WARS2: variants seen among roughly 807,000 people sequenced by gnomAD.
WARS2 encodes the protein tryptophanyl tRNA synthetase 2, mitochondrial, also known as tryptophan--tRNA ligase, mitochondrial.
Under a neutral mutation model 36.5 loss-of-function variants are expected in WARS2, and 28 were observed. The ratio of observed to expected loss-of-function variants is 0.77; its 90% confidence interval spans 0.57 to 1.05. WARS2 has a LOEUF of 1.05. Ranked by LOEUF, WARS2 falls within the 50% of genes least tolerant of loss-of-function variation. WARS2 has a pLI of 0.00. For missense variants in WARS2, 435 were observed against 456.8 expected, an observed-to-expected ratio of 0.95 and a Z score of 0.44; for synonymous variants, 174 against 178.4, an observed-to-expected ratio of 0.98 and a Z score of 0.20.
intron 3 of WARS2, among the ~76,000 whole-genome samples, chr1:119,044,980 G>A (rs552383958): frequency 6.6e-6 from 1 of 152,310 alleles, no homozygotes; most frequent in South Asian, 2.1e-4. Context: ...TACCTCAAAA[G>A]AAGCTTGAAA....
rs1468506930 is a variant in WARS2 at position 119,140,543 on chromosome 1, G to C, written c.90+12C>G. The C allele has an allele frequency of 1.2e-6, 2 of 1,612,156 alleles. No individual in the cohort carries two copies. The highest frequency in any genetic ancestry group is 1.1e-5 in the South Asian group (1 of 90,962). ...ATGGGAAGCCGCGGAGGGAAGGGCCGTCTTTGGTTACCTGGAGAGCGGGAG... is the reference window on the plus strand; with the variant it reads ...ATGGGAAGCCGCGGAGGGAAGGGCCCTCTTTGGTTACCTGGAGAGCGGGAG... On this transcript the variant is annotated intron_variant, in intron 1 of 5. Transcript: ENST00000235521.
intron 1 of WARS2, among the ~76,000 whole-genome samples, chr1:119,104,130 T>C (rs1294237039): frequency 6.6e-6 from 1 of 151,288 alleles, no homozygotes; most frequent in Non-Finnish European, 1.5e-5. Context: ...TTATTTCCAC[T>C]TTCCATATTT....
At chr1:119,104,617 C>A (rs1247209419) in intron 1 of WARS2, among the ~76,000 whole-genome samples, 5 of 131,886 alleles carry the variant, frequency 3.8e-5, no homozygotes, top group African/African-American at 9.5e-5. Flanking sequence ...GTGATTAGTG[C>A]CATGAAAAAA....
chr1:119,081,100 T>C (rs1006932980), intron 1 of WARS2, among the ~76,000 whole-genome samples: 1 of 152,224 alleles, frequency 6.6e-6, no homozygotes, highest in Non-Finnish European at 1.5e-5. Flanking sequence ...GGATTTGACA[T>C]ATACTAGAAG....
chr1:119,075,811 C>G (rs1416305627), intron 2 of WARS2, among the ~76,000 whole-genome samples: 3 of 152,138 alleles, frequency 2.0e-5, no homozygotes, highest in Admixed American at 6.6e-5. Context: ...TACTATGAAG[C>G]CTTTCTTGGC....
At chr1:119,080,954 A>C (rs1012063210) in intron 1 of WARS2, among the ~76,000 whole-genome samples, 3 of 152,242 alleles carry the variant, frequency 2.0e-5, no homozygotes, top group Admixed American at 2.0e-4. Flanking sequence ...ATTAAAAAAG[A>C]AGCATGTTAG....
intron 1 of WARS2, among the ~76,000 whole-genome samples, chr1:119,100,539 C>CT (rs1288288619): frequency 6.6e-6 from 1 of 152,214 alleles, no homozygotes; most frequent in East Asian, 1.9e-4. Flanking sequence ...TGGAATCAAT[C>CT]TAAGTGTTCA....
intron 2 of WARS2, among the ~76,000 whole-genome samples, chr1:119,073,605 C>T (rs1004760857): frequency 2.0e-5 from 3 of 152,144 alleles, no homozygotes; most frequent in African/African-American, 4.8e-5. Context: ...GAGGAGAAGA[C>T]GGGCACATAC....
chr1:119,104,904 T>A (rs910840616), intron 1 of WARS2, among the ~76,000 whole-genome samples: 1 of 152,244 alleles, frequency 6.6e-6, no homozygotes, highest in East Asian at 1.9e-4. Flanking sequence ...AGGCCTTGTA[T>A]GCTATGACAA....
At chr1:119,062,459 C>G (rs1024517238) in intron 2 of WARS2, among the ~76,000 whole-genome samples, 2 of 135,984 alleles carry the variant, frequency 1.5e-5, no homozygotes, top group African/African-American at 2.7e-5. Context: ...TCCTGAAGCA[C>G]AGCAAATAAA....
At chr1:119,098,617 TTAG>T (rs1653632901) in intron 1 of WARS2, among the ~76,000 whole-genome samples, 1 of 152,084 alleles carries the variant, frequency 6.6e-6, no homozygotes, top group African/African-American at 2.4e-5. Flanking sequence ...TTTGTTATTT[TTAG>T]TAGAGACGAG....
Position 119,032,773 on chromosome 1 carries a change from T to A in WARS2, c.*138A>T. The A allele has an allele frequency of 1.3e-6, 1 of 788,160 alleles. No homozygotes were observed. The highest frequency in any genetic ancestry group is 2.0e-6 in the Non-Finnish European group (1 of 505,022). The allele number at this position is 788,160 out of a possible 1,614,324, so 48.8% of individuals were successfully genotyped here. The stretch of plus-strand genomic sequence containing the variant: ...GTATTTCAAAGCTACAAAGCAATAT[T>A]CATCAAATAAAGCCAATAATCAGCT... On this transcript the variant is annotated 3_prime_UTR_variant, in exon 6 of 6. Coordinates refer to ENST00000235521, the MANE Select transcript of WARS2 (RefSeq NM_015836.4).
intron 1 of WARS2, chr1:119,126,784 CCT>C: frequency 1.4e-6 from 1 of 738,990 alleles, no homozygotes; most frequent in Non-Finnish European, 2.5e-6. Context: ...TTATTGACCA[CCT>C]CTTTCCAGTC....
At position 119,100,272 on chromosome 1, in the gene WARS2, CAGAAAAGGT is replaced by C. The variant is rs746730134; in HGVS notation, c.91-23674_91-23666del. Among the ~76,000 whole-genome samples the C allele has an allele frequency of 6.3e-3, 958 of 152,104 alleles. 8 individuals carry two copies. The highest frequency in any genetic ancestry group is 0.021 in the African/African-American group (885 of 41,482). On this transcript the variant is annotated intron_variant, in intron 1 of 5. Transcript: ENST00000235521. The stretch of plus-strand genomic sequence containing the variant: ...CAATGAGATATCATCTTACCCAAAT[CAGAAAAGGT>C]AGAAAATAATGGATGTTGGTGAGGA...
At chr1:119,117,341 C>T (rs1571383647) in intron 1 of WARS2, among the ~76,000 whole-genome samples, 1 of 152,154 alleles carries the variant, frequency 6.6e-6, no homozygotes, top group Admixed American at 6.5e-5. Flanking sequence ...TTGTCTCTAT[C>T]GGCCCTGGTA....
At chr1:119,089,026 G>C (rs1478231703) in intron 1 of WARS2, among the ~76,000 whole-genome samples, 3 of 152,214 alleles carry the variant, frequency 2.0e-5, no homozygotes, top group Non-Finnish European at 4.4e-5. Flanking sequence ...CCTTGGCTAA[G>C]TGAAGCTGAG....
At chr1:119,042,507 C>G (rs1346238889) in intron 3 of WARS2, among the ~76,000 whole-genome samples, 158 bp from the exon 4 acceptor site, 2 of 152,114 alleles carry the variant, frequency 1.3e-5, no homozygotes, top group African/African-American at 4.8e-5. Context: ...CTCTAGCCAT[C>G]TTCTGGCTGG....
chr1:119,059,466 T>C (rs959183170), intron 2 of WARS2, among the ~76,000 whole-genome samples: 2 of 152,178 alleles, frequency 1.3e-5, no homozygotes, highest in Non-Finnish European at 2.9e-5. Context: ...TTAATCCATC[T>C]TGAATTGATT....
chr1:119,059,907 G>A (rs1284226569), intron 2 of WARS2, among the ~76,000 whole-genome samples: 1 of 152,250 alleles, frequency 6.6e-6, no homozygotes, highest in Admixed American at 6.5e-5. Context: ...GACACATTGA[G>A]GAGAAGCACA....
Sources: allele counts gnomAD v4.1 joint callset (sites outside exome capture counted in the v4.1 genomes callset), GRCh38; gene constraint gnomAD v4.1.1; transcripts MANE v1.5; gene names NCBI Gene and HGNC (gene_info 2026-07-23, HGNC 2026-07-21).